Variants in CNRIP1 observed in about 807,000 individuals in gnomAD.
The protein encoded by CNRIP1 is cannabinoid receptor interacting protein 1.
Under a neutral mutation model 15.2 loss-of-function variants are expected in CNRIP1, and 10 were observed. That is an observed-to-expected ratio of 0.66 (90% CI 0.41 to 1.12). The LOEUF (loss-of-function observed/expected upper bound fraction) is 1.12. CNRIP1 is among the 50% of genes most tolerant of loss of function. The pLI, the probability that CNRIP1 is intolerant of heterozygous loss-of-function variation, is 0.00. For synonymous variants in CNRIP1, 91 were observed against 83.2 expected (o/e 1.09, Z -0.51); for missense variants, 211 against 214.7 (o/e 0.98, Z 0.11).
chr2:68,303,112 C>T (rs1190535944), intron 2 of CNRIP1, among the ~76,000 whole-genome samples: 1 of 152,126 alleles, frequency 6.6e-6, no homozygotes, highest in Non-Finnish European at 1.5e-5. Flanking sequence ...CCCCAAAGTG[C>T]TGGGATTACA....
At chr2:68,290,169 C>T (rs6546369), downstream of CNRIP1, among the ~76,000 whole-genome samples, 17,166 of 151,744 alleles carry the variant, frequency 0.11, 1,695 homozygotes, top group African/African-American at 0.26. Context: ...GCTGGGATTA[C>T]AGGCGTGCAC....
At chr2:68,297,537 T>C (rs1052332898) in intron 2 of CNRIP1, among the ~76,000 whole-genome samples, 3 of 137,468 alleles carry the variant, frequency 2.2e-5, no homozygotes, top group African/African-American at 5.5e-5. Context: ...CACTGCATTT[T>C]AGCCTGGGCA....
At chr2:68,291,826 A>T (rs1671179847), downstream of CNRIP1, among the ~76,000 whole-genome samples, 1 of 150,436 alleles carries the variant, frequency 6.6e-6, no homozygotes, top group Non-Finnish European at 1.5e-5. Flanking sequence ...TTGCAGTGAG[A>T]CAAGATCATG....
downstream of CNRIP1, among the ~76,000 whole-genome samples, chr2:68,290,154 A>G (rs1399745857): frequency 6.8e-6 from 1 of 148,032 alleles, no homozygotes; most frequent in Non-Finnish European, 1.5e-5. Context: ...TCAGCCTCCC[A>G]AGTAGCTGGG....
chr2:68,319,690 C>G lies in CNRIP1; in HGVS notation c.-290G>C. On this transcript the variant is annotated 5_prime_UTR_variant, in exon 1 of 3. Transcript: ENST00000263655. ...CCGCTCCAGTGCTGCGCCCTCCACG[C>G]ACCCGAAGGCTCGCTCTGGCCCGCA... The G allele has an allele frequency of 2.7e-6, 1 of 372,780 alleles. No individual in the cohort carries two copies. Among genetic ancestry groups the G allele is most frequent in the South Asian group, 3.9e-5 (1 of 25,662 alleles). 23.1% of individuals were successfully genotyped at this position (372,780 alleles called of 1,614,324 possible). A position where few individuals can be genotyped will look rare whatever the true frequency, so the allele number is the denominator to read the frequency against.
chr2:68,310,804 G>T (rs1322815011), intron 2 of CNRIP1, among the ~76,000 whole-genome samples: 1 of 151,806 alleles, frequency 6.6e-6, no homozygotes, highest in Non-Finnish European at 1.5e-5. Context: ...TTACAAATGT[G>T]CTCAGATAAA....
intron 2 of CNRIP1, among the ~76,000 whole-genome samples, chr2:68,306,124 C>CAAAAAAAAAAAAAAAAAAAAAAAAAAA (rs61586261): frequency 1.2e-4 from 3 of 25,338 alleles, no homozygotes; most frequent in African/African-American, 1.5e-4. Context: ...CCCACCTCTA[C>CAAAAAAAAAAAAAAAAAAAAAAAAAAA]AAAAAAAAAA....
intron 2 of CNRIP1, among the ~76,000 whole-genome samples, chr2:68,315,068 ATATTG>A (rs1404079136): frequency 6.6e-6 from 1 of 152,122 alleles, no homozygotes; most frequent in African/African-American, 2.4e-5. Context: ...TTTATATTTT[ATATTG>A]TAAACAAAAT....
chr2:68,298,496 C>T (rs11886976), intron 2 of CNRIP1, among the ~76,000 whole-genome samples: 2,025 of 152,048 alleles, frequency 0.013, 47 homozygotes, highest in African/African-American at 0.045. Flanking sequence ...ACAAGAAAAA[C>T]GTAAGGCTTA....
downstream of CNRIP1, among the ~76,000 whole-genome samples, chr2:68,289,963 A>T (rs1671122294): frequency 6.6e-6 from 1 of 151,886 alleles, no homozygotes; most frequent in Non-Finnish European, 1.5e-5. Context: ...GCCTAAGACC[A>T]CACAGCTAAT....
At chr2:68,306,567 G>C (rs994713322) in intron 2 of CNRIP1, among the ~76,000 whole-genome samples, 2 of 152,104 alleles carry the variant, frequency 1.3e-5, no homozygotes, top group African/African-American at 2.4e-5. Context: ...GATCACCTGA[G>C]GTCAGGAGTT....
intron 2 of CNRIP1, among the ~76,000 whole-genome samples, chr2:68,313,026 G>C (rs1275977153): frequency 2.0e-5 from 3 of 152,034 alleles, no homozygotes; most frequent in Non-Finnish European, 4.4e-5. Context: ...TGGAGGAATT[G>C]ACAAGCTCAT....
chr2:68,307,625 C>T (rs1380840869), intron 2 of CNRIP1, among the ~76,000 whole-genome samples: 1 of 152,142 alleles, frequency 6.6e-6, no homozygotes, highest in African/African-American at 2.4e-5. Context: ...TGTGCCTGGC[C>T]TCATTGTTCC....
intron 2 of CNRIP1, among the ~76,000 whole-genome samples, chr2:68,310,937 C>T (rs1242638383): frequency 6.6e-6 from 1 of 151,654 alleles, no homozygotes; most frequent in Non-Finnish European, 1.5e-5. Context: ...AAGCACAAGA[C>T]TAGAAATAGA....
At position 68,284,400 on chromosome 2, in the gene CNRIP1, T is replaced by A. The variant is rs1476426811; in HGVS notation, c.*28A>T. 23 of 1,404,616 alleles carry A rather than the reference T, an allele frequency of 1.6e-5. No individual in the cohort carries two copies. In the Admixed American group the frequency reaches 6.7e-4, roughly 41 times the overall value. 87.0% of individuals were successfully genotyped at this position (1,404,616 alleles called of 1,614,324 possible). ...AAAAAAAAAAAAGAACATTTGTTCC[T>A]CATGATGGCACACATTGAAGAATGT... On this transcript the variant is annotated 3_prime_UTR_variant, in exon 3 of 3. Coordinates refer to the CNRIP1 transcript ENST00000409559.
At chr2:68,286,966 A>G (rs76318091) in intron 2 of CNRIP1, among the ~76,000 whole-genome samples, 235 of 152,344 alleles carry the variant, frequency 1.5e-3, no homozygotes, top group African/African-American at 5.4e-3. Context: ...AAGATAGTCA[A>G]TGAATGCTAA....
intron 2 of CNRIP1, among the ~76,000 whole-genome samples, chr2:68,309,222 G>A (rs1654350649): frequency 2.0e-5 from 3 of 152,124 alleles, no homozygotes; most frequent in Non-Finnish European, 4.4e-5. Context: ...TGGTCTATCA[G>A]TAGCATTTAA....
chr2:68,287,841 T>C (rs1190946897), intron 2 of CNRIP1, among the ~76,000 whole-genome samples: 1 of 152,148 alleles, frequency 6.6e-6, no homozygotes, highest in Non-Finnish European at 1.5e-5. Context: ...CTGATGAAAA[T>C]AAACAACTTC....
intron 2 of CNRIP1, among the ~76,000 whole-genome samples, chr2:68,310,106 T>A (rs1231567097): frequency 2.0e-5 from 3 of 152,128 alleles, no homozygotes; most frequent in Non-Finnish European, 4.4e-5. Flanking sequence ...GGCAGGTGGA[T>A]CACTTGAGGT....
Sources: gnomAD v4.1 joint callset for allele counts (sites outside exome capture counted in the v4.1 genomes callset) on GRCh38, gnomAD v4.1.1 for gene constraint, MANE v1.5 for transcripts, NCBI Gene and HGNC (gene_info 2026-07-23, HGNC 2026-07-21) for gene names.